SIVA1: variants seen among roughly 807,000 people sequenced by gnomAD.
SIVA1 encodes the protein SIVA1 apoptosis inducing factor.
In SIVA1, 10 loss-of-function variants were observed where a neutral mutation model predicts 19.7. The observed-to-expected ratio is 0.51, with a 90% CI of 0.31 to 0.86. The LOEUF (loss-of-function observed/expected upper bound fraction) is 0.86, where lower values mean the gene tolerates loss of function less well. Ranked by LOEUF, SIVA1 falls within the 40% of genes least tolerant of loss-of-function variation. The pLI, the probability that SIVA1 is intolerant of heterozygous loss-of-function variation, is 0.04. For missense variants in SIVA1, 241 were observed against 245.2 expected (o/e 0.98, Z 0.11); for synonymous variants, 130 against 106.1 (o/e 1.23, Z -1.39).
In SIVA1 at chr14:104,756,662, G is replaced by T. The variant is rs372008719; in HGVS notation, c.372G>T (p.Lys124Asn). 12 of 1,614,108 alleles carry T rather than the reference G, an allele frequency of 7.4e-6. No homozygotes were observed. In the African/African-American group the frequency reaches 1.5e-4, roughly 20 times the overall value. ...CATGCGTGCGAGCCGTGGATGGGAAGGCGGTCTGCGGTCAGTGTGAGCGAG... is the reference window on the plus strand; with the variant it reads ...CATGCGTGCGAGCCGTGGATGGGAATGCGGTCTGCGGTCAGTGTGAGCGAG... ...CSSCVRAVDG[K>N]AVCGQCERAL... The change falls in exon 3 of 4, where the codon AAG becomes AAT. Residue 124 changes from lysine (K) to asparagine (N), a missense_variant. By Grantham distance (94) the Lys-to-Asn change is moderately conservative (BLOSUM62 0). Transcript: ENST00000329967.
chr14:104,759,262 A>C lies in SIVA1; in HGVS notation c.471-166A>C. On this transcript the variant is annotated intron_variant, in intron 3 of 3. Transcript: ENST00000329967. The surrounding 1 kb of genome is among the most constrained non-coding windows in gnomAD (Gnocchi z 4.2). ...CGTGTTGCCTTAGGGCCCCCATGTC[A>C]GTGCCGTCATCTAGACTGATGATGC... The C allele has an allele frequency of 3.8e-6, 2 of 526,856 alleles. No homozygotes were observed. Among genetic ancestry groups the C allele is most frequent in the Non-Finnish European group, 6.7e-6 (2 of 297,842 alleles). The allele number at this position is 526,856 out of a possible 1,614,324, so 32.6% of individuals were successfully genotyped here.
At position 104,755,639 on chromosome 14, in the gene SIVA1, A is replaced by G. The variant is rs1383539953; in HGVS notation, c.128A>G (p.Lys43Arg). 1.9e-6 allele frequency: 3 copies of G among 1,611,538 alleles called. No individual in the cohort carries two copies. Among genetic ancestry groups the G allele is most frequent in the Non-Finnish European group, 1.7e-6 (2 of 1,179,264 alleles). ...ATTTATCTTCCCCCAGAGAAGACCAAGCGACTCCTGTTCCTCGGGGCCCAG... is the reference window on the plus strand; with the variant it reads ...ATTTATCTTCCCCCAGAGAAGACCAGGCGACTCCTGTTCCTCGGGGCCCAG... ...RYSQEVFEKTKRLLFLGAQAY... is the reference protein window; with the variant it reads ...RYSQEVFEKTRRLLFLGAQAY... Residue 43 changes from lysine to arginine, a missense_variant, in exon 2 of 4, where the codon AAG (lysine) becomes AGG (arginine). By Grantham distance (26) the Lys-to-Arg change is conservative. Transcript: ENST00000329967.
At chr14:104,753,360 G>A (rs1229890223) in intron 1 of SIVA1, 41 bp downstream of exon 1, 3 of 1,377,652 alleles carry the variant, frequency 2.2e-6, no homozygotes, top group South Asian at 1.2e-5. Context: ...CTGCGTCGGG[G>A]CCTGGAACGG....
chr14:104,756,697 G>C lies in SIVA1; in HGVS notation c.407G>C (p.Gly136Ala), dbSNP rs1891902246. The C allele has an allele frequency of 6.2e-7, 1 of 1,614,182 alleles. No homozygotes were observed. Among genetic ancestry groups the C allele is most frequent in the Non-Finnish European group, 8.5e-7 (1 of 1,180,028 alleles). ...VCGQCERALC[G>A]QCVRTCWGCG... is the part of the protein sequence containing the mutation. ...GGTCAGTGTGAGCGAGCCCTGTGCGGGCAGTGTGTGCGCACCTGCTGGGGC... is the reference window on the plus strand; with the variant it reads ...GGTCAGTGTGAGCGAGCCCTGTGCGCGCAGTGTGTGCGCACCTGCTGGGGC... Residue 136 changes from glycine to alanine, a missense_variant, in exon 3 of 4, where the codon GGG becomes GCG. By Grantham distance (60) the Gly-to-Ala change is moderately conservative (BLOSUM62 0). Coordinates refer to ENST00000329967, the MANE Select transcript of SIVA1 (RefSeq NM_006427.4).
At chr14:104,758,364 C>T (rs1337602152) in intron 3 of SIVA1, 3 of 152,290 alleles carry the variant, frequency 2.0e-5, no homozygotes, top group Non-Finnish European at 4.4e-5. Context: ...TTCTGGCTGC[C>T]TTGTTGACTC....
rs1891759134 is a variant in SIVA1, at chr14:104,753,167, G to T, written c.-35G>T. On this transcript the variant is annotated 5_prime_UTR_variant, in exon 1 of 4. Transcript: ENST00000329967. ...ACGGCGTCGTTGGTAAGGGGCTGGC[G>T]GCCGGGGAGCTGCGTAGCTCCCGGC... The T allele has an allele frequency of 2.1e-6, 3 of 1,401,836 alleles. No homozygotes were observed. The highest frequency in any genetic ancestry group is 2.0e-6 in the Non-Finnish European group (2 of 1,019,070). 86.8% of individuals were successfully genotyped at this position (1,401,836 alleles called of 1,614,324 possible).
At position 104,755,799 on chromosome 14, in the gene SIVA1, G is replaced by A; in HGVS notation, c.288G>A (p.Arg96=). Residue 96 remains arginine (R), a synonymous_variant, in exon 2 of 4, where the codon AGG becomes AGA. Transcript: ENST00000329967. ...TTGGACCAGACGGCCGCCTGATCAG[G>A]AGCCTTGGGCAGGCCTCCGAAGCTG... ...MLIGPDGRLI[R]SLGQASEADP... The A allele has an allele frequency of 6.2e-7, 1 of 1,613,914 alleles. No homozygotes were observed. The highest frequency in any genetic ancestry group is 1.1e-5 in the South Asian group (1 of 91,080).
intron 2 of SIVA1, chr14:104,756,115 A>C: frequency 1.8e-6 from 1 of 553,188 alleles, no homozygotes; most frequent in Non-Finnish European, 3.3e-6. Context: ...GGCTGGAAAC[A>C]TGCCAGTCCC....
At chr14:104,753,593 C>T in intron 1 of SIVA1, 1 of 501,240 alleles carries the variant, frequency 2.0e-6, no homozygotes, top group Non-Finnish European at 3.6e-6. Flanking sequence ...CTTCCACGAT[C>T]CCGGTTAGTC....
chr14:104,754,580 G>A (rs539491699), intron 1 of SIVA1, among the ~76,000 whole-genome samples: 1 of 152,346 alleles, frequency 6.6e-6, no homozygotes, highest in Admixed American at 6.5e-5. Context: ...CACTCACCGG[G>A]TCAGGTCAGG....
rs71421881 is a variant in SIVA1 at position 104,753,184 on chromosome 14, G to C, written c.-18G>C. The C allele has an allele frequency of 6.6e-7, 1 of 1,515,838 alleles. No individual in the cohort carries two copies. 93.9% of individuals were successfully genotyped at this position (1,515,838 alleles called of 1,614,324 possible). On this transcript the variant is annotated 5_prime_UTR_variant, in exon 1 of 4. Coordinates refer to ENST00000329967, the MANE Select transcript of SIVA1 (RefSeq NM_006427.4). ...GGGCTGGCGGCCGGGGAGCTGCGTA[G>C]CTCCCGGCCCCGCGGCCATGCCCAA... is the stretch of plus-strand genomic sequence containing the variant.
intron 3 of SIVA1, 66 bp downstream of exon 3, chr14:104,756,826 G>T: frequency 6.6e-7 from 1 of 1,513,664 alleles, no homozygotes; most frequent in Middle Eastern, 1.8e-4. Flanking sequence ...TGGGGGACGG[G>T]TGGGTCACCC....
At position 104,756,684 on chromosome 14, in the gene SIVA1, C is replaced by T. The variant is rs1416825379; in HGVS notation, c.394C>T (p.Arg132Ter). 4 of 1,614,174 alleles carry T rather than the reference C, an allele frequency of 2.5e-6. No homozygotes were observed. The highest frequency in any genetic ancestry group is 2.5e-6 in the Non-Finnish European group (3 of 1,180,022). Residue 132 changes from arginine to a stop codon, truncating the protein, a stop_gained, in exon 3 of 4, where the codon CGA becomes TGA. Coordinates refer to ENST00000329967, the MANE Select transcript of SIVA1 (RefSeq NM_006427.4). LOFTEE classifies it high-confidence loss of function. ...DGKAVCGQCE[R>*]ALCGQCVRTC... ...GAAGGCGGTCTGCGGTCAGTGTGAG[C>T]GAGCCCTGTGCGGGCAGTGTGTGCG...
At chr14:104,754,332 C>T (rs1306412018) in intron 1 of SIVA1, among the ~76,000 whole-genome samples, 1 of 152,142 alleles carries the variant, frequency 6.6e-6, no homozygotes, top group Non-Finnish European at 1.5e-5. Flanking sequence ...CGAGGTTCCT[C>T]TGTGCGGTGT....
In SIVA1 at chr14:104,753,195, C is replaced by T. The variant is rs772185197; in HGVS notation, c.-7C>T. 26 of 1,556,840 alleles carry T rather than the reference C, an allele frequency of 1.7e-5. No individual in the cohort carries two copies. The highest frequency in any genetic ancestry group is 2.2e-5 in the Non-Finnish European group (25 of 1,152,508). The stretch of plus-strand genomic sequence containing the variant: ...CGGGGAGCTGCGTAGCTCCCGGCCC[C>T]GCGGCCATGCCCAAGCGGAGCTGCC... On this transcript the variant is annotated 5_prime_UTR_variant, in exon 1 of 4. Coordinates refer to ENST00000329967, the MANE Select transcript of SIVA1 (RefSeq NM_006427.4).
In SIVA1 at chr14:104,756,695, C is replaced by T. The variant is rs536091211; in HGVS notation, c.405C>T (p.Cys135=). ...AVCGQCERAL[C]GQCVRTCWGC... Reference sequence around the variant, plus strand: ...GCGGTCAGTGTGAGCGAGCCCTGTGCGGGCAGTGTGTGCGCACCTGCTGGG... The same window carrying T: ...GCGGTCAGTGTGAGCGAGCCCTGTGTGGGCAGTGTGTGCGCACCTGCTGGG... Residue 135 remains cysteine (C), a synonymous_variant, in exon 3 of 4, where the codon TGC becomes TGT. Coordinates refer to ENST00000329967, the MANE Select transcript of SIVA1 (RefSeq NM_006427.4). 58 of 1,614,136 alleles carry T rather than the reference C, an allele frequency of 3.6e-5. No homozygotes were observed. Among genetic ancestry groups the T allele is most frequent in the African/African-American group, 1.5e-4 (11 of 75,050 alleles).
At chr14:104,755,954 T>G (rs1891873762) in intron 2 of SIVA1, 130 bp downstream of exon 2, 2 of 880,396 alleles carry the variant, frequency 2.3e-6, no homozygotes, top group Non-Finnish European at 3.6e-6. Flanking sequence ...AGCTTGGCCT[T>G]CTGGCTCAGA....
At chr14:104,754,298 G>A (rs1397959850) in intron 1 of SIVA1, among the ~76,000 whole-genome samples, 2 of 152,174 alleles carry the variant, frequency 1.3e-5, no homozygotes, top group Non-Finnish European at 2.9e-5. Flanking sequence ...TGTGCCTTGG[G>A]AATGAGGGAA....
Position 104,753,196 on chromosome 14 carries a change from G to C in SIVA1, c.-6G>C, listed in dbSNP as rs1306778435. On this transcript the variant is annotated 5_prime_UTR_variant, in exon 1 of 4. Transcript: ENST00000329967. ...GGGGAGCTGCGTAGCTCCCGGCCCC[G>C]CGGCCATGCCCAAGCGGAGCTGCCC... 1 of 1,558,520 alleles carries C rather than the reference G, an allele frequency of 6.4e-7. No homozygotes were observed. Among genetic ancestry groups the C allele is most frequent in the Admixed American group, 1.9e-5 (1 of 53,670 alleles).
Sources: allele counts gnomAD v4.1 joint callset (sites outside exome capture counted in the v4.1 genomes callset), GRCh38; gene constraint gnomAD v4.1.1; non-coding constraint Gnocchi (gnomAD v3.1); transcripts MANE v1.5; gene names NCBI Gene and HGNC (gene_info 2026-07-23, HGNC 2026-07-21).